The following BTBD9 variants were observed in gnomAD, a reference collection of about 807,000 sequenced individuals.
BTBD9 encodes the protein BTB domain containing 9, also known as BTB/POZ domain-containing protein 9.
A neutral mutation model predicts 64.3 loss-of-function variants in BTBD9; 49 were observed. The ratio of observed to expected loss-of-function variants is 0.76; its 90% CI spans 0.61 to 0.97. The LOEUF (loss-of-function observed/expected upper bound fraction) is 0.97, where lower values mean the gene tolerates loss of function less well. BTBD9 is among the 50% of genes least tolerant of loss of function. The probability of loss-of-function intolerance (pLI) is 0.00; values close to 1 mark genes in which losing one functional copy is unlikely to be tolerated. For synonymous variants in BTBD9, 260 were observed against 274.7 expected (o/e 0.95, Z 0.53); for missense variants, 598 against 762.1 (o/e 0.78, Z 2.53).
intron 5 of BTBD9, among the ~76,000 whole-genome samples, 184 bp from the exon 6 acceptor site, chr6:38,577,903 T>A (rs1776125736): frequency 6.6e-6 from 1 of 152,190 alleles, no homozygotes; most frequent in Admixed American, 6.5e-5. Context: ...ACTGAAATTA[T>A]CTCTCAGGTT....
chr6:38,247,634 G>A (rs1318899080), intron 9 of BTBD9, among the ~76,000 whole-genome samples: 28 of 152,234 alleles, frequency 1.8e-4, no homozygotes, highest in Admixed American at 1.8e-3. Context: ...AGATGGGAAT[G>A]AACTTTGGGT....
chr6:38,274,641 G>A (rs1765315768), intron 8 of BTBD9, among the ~76,000 whole-genome samples: 1 of 152,200 alleles, frequency 6.6e-6, no homozygotes, highest in Non-Finnish European at 1.5e-5. Flanking sequence ...AGATAATCAT[G>A]TGGTTTTGTC....
At chr6:38,563,886 A>G (rs1356913819) in intron 6 of BTBD9, among the ~76,000 whole-genome samples, 1 of 143,594 alleles carries the variant, frequency 7.0e-6, no homozygotes, top group Non-Finnish European at 1.5e-5. Context: ...GTTCCATGCC[A>G]TTATCCTTCC....
chr6:38,305,359 G>A (rs1300941285), intron 7 of BTBD9, among the ~76,000 whole-genome samples: 1 of 152,212 alleles, frequency 6.6e-6, no homozygotes, highest in African/African-American at 2.4e-5. Flanking sequence ...CATGCAGAAA[G>A]TTTGGTCACT....
intron 1 of BTBD9, among the ~76,000 whole-genome samples, chr6:38,625,773 G>A (rs1582736369): frequency 6.6e-6 from 1 of 152,208 alleles, no homozygotes; most frequent in East Asian, 1.9e-4. Context: ...ATAGAATAAG[G>A]AGAGATACAG....
At chr6:38,255,923 T>G (rs188033931) in intron 9 of BTBD9, among the ~76,000 whole-genome samples, 1 of 151,128 alleles carries the variant, frequency 6.6e-6, no homozygotes, top group Admixed American at 6.6e-5. Flanking sequence ...TGTCGTGGGG[T>G]TGGGGGGGTA....
At chr6:38,189,910 G>A (rs1011940380) in intron 10 of BTBD9, among the ~76,000 whole-genome samples, 1 of 151,338 alleles carries the variant, frequency 6.6e-6, no homozygotes, top group Non-Finnish European at 1.5e-5. Flanking sequence ...CTGACCTCAA[G>A]TGATCCACCT....
chr6:38,464,891 A>T (rs1010121378), intron 6 of BTBD9, among the ~76,000 whole-genome samples: 24 of 152,148 alleles, frequency 1.6e-4, no homozygotes, highest in African/African-American at 5.8e-4. Flanking sequence ...CTTCTGTTCA[A>T]TTTTTCTAGA....
At chr6:38,450,133 A>G (rs1371822398) in intron 6 of BTBD9, among the ~76,000 whole-genome samples, 1 of 152,234 alleles carries the variant, frequency 6.6e-6, no homozygotes. Context: ...AGTCTGAAGA[A>G]CATTAAGTTA....
intron 6 of BTBD9, among the ~76,000 whole-genome samples, chr6:38,445,605 C>T (rs1769240324): frequency 1.3e-5 from 2 of 152,170 alleles, no homozygotes; most frequent in South Asian, 2.1e-4. Flanking sequence ...TTATGAAACA[C>T]ATTCCTAAAA....
rs77959927 is a variant in BTBD9, at chr6:38,363,687, T to C, written c.1155-18594A>G. On this transcript the variant is annotated intron_variant, in intron 6 of 10. Coordinates refer to ENST00000481247, the MANE Select transcript of BTBD9 (RefSeq NM_001099272.2). ...TTGGGAAAAATAGAAAGGGAAGAGA[T>C]AAAAATATTTATGTAATCAGAGAAG... is the stretch of plus-strand genomic sequence containing the variant. Among the ~76,000 whole-genome samples the C allele has an allele frequency of 6.4e-3, 972 of 152,274 alleles. 11 individuals are homozygous for C. Among genetic ancestry groups the C allele is most frequent in the African/African-American group, 0.022 (900 of 41,548 alleles).
chr6:38,355,796 C>A (rs554943435), intron 6 of BTBD9, among the ~76,000 whole-genome samples: 105 of 152,310 alleles, frequency 6.9e-4, no homozygotes, highest in African/African-American at 2.4e-3. Context: ...AAACAGCCTG[C>A]ACACTGTATC....
chr6:38,240,188 C>T (rs888103213), intron 9 of BTBD9, among the ~76,000 whole-genome samples: 2 of 152,186 alleles, frequency 1.3e-5, no homozygotes, highest in East Asian at 1.9e-4. Context: ...GTAAGTACTT[C>T]CAGATTTAGC....
chr6:38,174,999 G>T lies in BTBD9; in HGVS notation c.1825C>A (p.Arg609=), dbSNP rs745305623. 6.2e-7 allele frequency: 1 copy of T among 1,613,966 alleles called. No homozygotes were observed. Among genetic ancestry groups the T allele is most frequent in the East Asian group, 2.2e-5 (1 of 44,882 alleles). Residue 609 remains arginine (R), a synonymous_variant, in exon 11 of 11, where the codon CGG becomes AGG. Transcript: ENST00000481247. ...CGCTGCCTCCTTTATTGGTGCTGCC[G>T]GTTGGGGGAGCGTGAGTTGGAGCCT... ...SPGSNSRSPN[R]QHQ
chr6:38,513,340 T>C (rs6900106), intron 6 of BTBD9, among the ~76,000 whole-genome samples: 128,461 of 151,840 alleles, frequency 0.85, 56,344 homozygotes, highest in Non-Finnish European at 0.97. Flanking sequence ...CCCAGCTACT[T>C]GGGAGGCTGA....
intron 6 of BTBD9, among the ~76,000 whole-genome samples, chr6:38,354,915 G>C (rs1273387379): frequency 6.7e-6 from 1 of 150,132 alleles, no homozygotes; most frequent in African/African-American, 2.5e-5. Flanking sequence ...GAGACAGAGA[G>C]AAAGAGAGAG....
At position 38,596,968 on chromosome 6, in the gene BTBD9, G is replaced by C. The variant is rs546903743; in HGVS notation, c.185+942C>G. On this transcript the variant is annotated intron_variant, in intron 2 of 10. Coordinates refer to ENST00000481247, the MANE Select transcript of BTBD9 (RefSeq NM_001099272.2). The stretch of plus-strand genomic sequence containing the variant: ...GATGCCTTGGCAGAGTTGACCACTA[G>C]GAAGAATAGGAGAGTGCTAGAACTT... 4.6e-5 allele frequency among the ~76,000 whole-genome samples: 7 copies of C among 152,304 alleles called. No individual in the cohort carries two copies. In the South Asian group the frequency reaches 1.2e-3, roughly 27 times the overall value.
chr6:38,291,978 T>TG (rs1347819153), intron 7 of BTBD9, among the ~76,000 whole-genome samples: 1 of 151,832 alleles, frequency 6.6e-6, no homozygotes, highest in Non-Finnish European at 1.5e-5. Context: ...TTTTTTTTTT[T>TG]GAGACGAAGT....
intron 1 of BTBD9, among the ~76,000 whole-genome samples, chr6:38,626,201 T>C (rs147321447): frequency 4.0e-4 from 61 of 152,336 alleles, no homozygotes; most frequent in African/African-American, 1.1e-3. Flanking sequence ...GGTATATACA[T>C]TTATGGGGTA....
Sources: gnomAD v4.1 joint callset for allele counts (sites outside exome capture counted in the v4.1 genomes callset) on GRCh38, gnomAD v4.1.1 for gene constraint, MANE v1.5 for transcripts, NCBI Gene and HGNC (gene_info 2026-07-23, HGNC 2026-07-21) for gene names.